Variants in ETV6 observed in about 807,000 individuals in gnomAD.
ETV6 encodes the protein ETS variant transcription factor 6.
In ETV6, 16 loss-of-function variants were observed where a neutral mutation model predicts 51.1. The observed-to-expected ratio is 0.31, with a 90% confidence interval of 0.21 to 0.48. ETV6 has a LOEUF of 0.48. Ranked by LOEUF, ETV6 falls within the 20% of genes least tolerant of loss-of-function variation. The pLI is 0.99. For synonymous variants in ETV6, 240 were observed against 224.1 expected (o/e 1.07, Z -0.64); for missense variants, 458 against 594.8 (o/e 0.77, Z 2.39).
chr12:11,799,688 C>T (rs1293128456), intron 2 of ETV6, among the ~76,000 whole-genome samples: 1 of 152,184 alleles, frequency 6.6e-6, no homozygotes, highest in Non-Finnish European at 1.5e-5. Flanking sequence ...TCGTTAATAC[C>T]TCATACTCCC....
At position 11,884,506 on chromosome 12, in the gene ETV6, C is replaced by T. The variant is rs2136595751; in HGVS notation, c.1071C>T (p.Phe357=). ...TTTCTGACAGCCGGTACGAAAACTT[C>T]ATCCGATGGGAGGACAAAGAATCCA... The part of the protein sequence containing the change: ...QLLSDSRYEN[F]IRWEDKESKI... Residue 357 remains phenylalanine, a synonymous_variant, in exon 6 of 8, where the codon TTC becomes TTT. Transcript: ENST00000396373. The T allele has an allele frequency of 6.2e-7, 1 of 1,614,224 alleles. No individual in the cohort carries two copies. Among genetic ancestry groups the T allele is most frequent in the East Asian group, 2.2e-5 (1 of 44,888 alleles).
intron 1 of ETV6, among the ~76,000 whole-genome samples, chr12:11,706,083 G>C (rs1336024958): frequency 6.6e-6 from 1 of 152,208 alleles, no homozygotes; most frequent in Non-Finnish European, 1.5e-5. Context: ...TTTAGGATGG[G>C]GATGATAGGA....
chr12:11,809,639 T>C (rs7314811), intron 2 of ETV6, among the ~76,000 whole-genome samples: 59,842 of 151,828 alleles, frequency 0.39, 12,326 homozygotes, highest in African/African-American at 0.51. Context: ...AGCTTTTTAT[T>C]CGTAGTTTAC....
At chr12:11,845,991 CAAAAAAA>C (rs60730342) in intron 3 of ETV6, among the ~76,000 whole-genome samples, 3 of 118,026 alleles carry the variant, frequency 2.5e-5, no homozygotes, top group Non-Finnish European at 5.4e-5. Flanking sequence ...GACTCCGTCT[CAAAAAAA>C]AAAAAAAGAA....
chr12:11,705,218 CA>C (rs1236307613), intron 1 of ETV6, among the ~76,000 whole-genome samples: 7 of 152,192 alleles, frequency 4.6e-5, no homozygotes, highest in Non-Finnish European at 2.9e-5. Context: ...ATCTAAAAAA[CA>C]GGAGATGAAG....
chr12:11,844,942 C>T (rs1358064247), intron 3 of ETV6, among the ~76,000 whole-genome samples: 3 of 152,108 alleles, frequency 2.0e-5, no homozygotes, highest in Admixed American at 1.3e-4. Flanking sequence ...AGCAATTCTC[C>T]TGCCTCAGCC....
chr12:11,678,953 T>C (rs150348961), intron 1 of ETV6, among the ~76,000 whole-genome samples: 24 of 152,294 alleles, frequency 1.6e-4, no homozygotes, highest in African/African-American at 3.1e-4. Flanking sequence ...CCCACCCACA[T>C]TGGGGAGGGA....
At chr12:11,814,697 T>C (rs1249935813) in intron 2 of ETV6, among the ~76,000 whole-genome samples, 2 of 152,232 alleles carry the variant, frequency 1.3e-5, no homozygotes, top group Admixed American at 1.3e-4. Flanking sequence ...TGCATCATTT[T>C]CCTTTAAGGA....
chr12:11,722,848 G>A (rs926823334), intron 1 of ETV6, among the ~76,000 whole-genome samples: 1 of 152,228 alleles, frequency 6.6e-6, no homozygotes, highest in African/African-American at 2.4e-5. Flanking sequence ...ATGCAGAGGT[G>A]CTCAAATTCT....
chr12:11,781,881 A>G (rs1444564144), intron 2 of ETV6, among the ~76,000 whole-genome samples: 1 of 152,188 alleles, frequency 6.6e-6, no homozygotes, highest in Non-Finnish European at 1.5e-5. Context: ...AAAAGATTGA[A>G]TGGGACGGGA....
At chr12:11,765,777 G>A (rs1018139077) in intron 2 of ETV6, among the ~76,000 whole-genome samples, 10 of 152,166 alleles carry the variant, frequency 6.6e-5, no homozygotes, top group African/African-American at 2.4e-4. Context: ...ACGTGCTTTA[G>A]GAACTATAAT....
At chr12:11,886,310 G>T (rs1947182482) in intron 7 of ETV6, among the ~76,000 whole-genome samples, 2 of 152,206 alleles carry the variant, frequency 1.3e-5, no homozygotes, top group Non-Finnish European at 2.9e-5. Context: ...AAAGTCCGGT[G>T]TAGTTAAAAG....
chr12:11,710,660 G>A (rs1212973329), intron 1 of ETV6, among the ~76,000 whole-genome samples: 1 of 152,188 alleles, frequency 6.6e-6, no homozygotes, highest in East Asian at 1.9e-4. Flanking sequence ...TGCGCCTATT[G>A]CCTTGGGGCC....
Position 11,717,772 on chromosome 12 carries a change from C to T in ETV6, c.34-34678C>T, listed in dbSNP as rs1038524541. Among the ~76,000 whole-genome samples, 6 of 152,288 alleles carry T rather than the reference C, an allele frequency of 3.9e-5. No individual in the cohort carries two copies. In the South Asian group the frequency reaches 6.2e-4, roughly 16 times the overall value. ...ATAGTTTATTGTTGTTGATGATCAT[C>T]GAGAACTTTGTACCCAGAGACACTC... On this transcript the variant is annotated intron_variant, in intron 1 of 7. Transcript: ENST00000396373.
rs1565555150 is a variant in ETV6 at position 11,859,118 on chromosome 12, G to GCTTTTTTTTTTTTTTTTTT, written c.463+5557_463+5558insCTTTTTTTTTTTTTTTTTT. On this transcript the variant is annotated intron_variant, in intron 4 of 7. Transcript: ENST00000396373. ...TAAAGAAGATGAGGTATATGAATCT[G>GCTTTTTTTTTTTTTTTTTT]GTTTTTTTTTTTTTTTTTTTTTTTT... Among the ~76,000 whole-genome samples the GCTTTTTTTTTTTTTTTTTT allele has an allele frequency of 1.7e-3, 69 of 41,800 alleles. 34 individuals carry two copies. Among genetic ancestry groups the GCTTTTTTTTTTTTTTTTTT allele is most frequent in the African/African-American group, 4.0e-3 (57 of 14,398 alleles). 27.4% of individuals were successfully genotyped at this position (41,800 alleles called of 152,430 possible).
intron 1 of ETV6, among the ~76,000 whole-genome samples, chr12:11,730,819 G>C (rs1303115056): frequency 6.6e-6 from 1 of 152,202 alleles, no homozygotes; most frequent in Non-Finnish European, 1.5e-5. Context: ...GTGGGTTGCT[G>C]TTTGCTCTTC....
At position 11,894,434 on chromosome 12, in the gene ETV6, G is replaced by A. The variant is rs1947360207; in HGVS notation, c.*3388G>A. 8.6e-6 allele frequency: 2 copies of A among 233,220 alleles called. No homozygotes were observed. Among genetic ancestry groups the A allele is most frequent in the East Asian group, 1.2e-4 (2 of 16,584 alleles). 14.4% of individuals were successfully genotyped at this position (233,220 alleles called of 1,614,324 possible). On this transcript the variant is annotated 3_prime_UTR_variant, in exon 8 of 8. Coordinates refer to ENST00000396373, the MANE Select transcript of ETV6 (RefSeq NM_001987.5). ...ATGAACTCTAAGATCTTGACCCAGG[G>A]CGACTTGGTTTTGCTTAAGGTGGCA...
At chr12:11,889,044 G>A (rs565192898) in intron 7 of ETV6, among the ~76,000 whole-genome samples, 2 of 152,030 alleles carry the variant, frequency 1.3e-5, no homozygotes, top group Non-Finnish European at 2.9e-5. Context: ...TTCAGTTAAT[G>A]CTTATTGACA....
chr12:11,757,758 G>A (rs1036117118), intron 2 of ETV6, among the ~76,000 whole-genome samples: 1 of 152,224 alleles, frequency 6.6e-6, no homozygotes, highest in African/African-American at 2.4e-5. Flanking sequence ...GCAGCCACAG[G>A]TGCAGGGACT....
Sources: gnomAD v4.1 joint callset for allele counts (sites outside exome capture counted in the v4.1 genomes callset) on GRCh38, gnomAD v4.1.1 for gene constraint, MANE v1.5 for transcripts, NCBI Gene and HGNC (gene_info 2026-07-23, HGNC 2026-07-21) for gene names.